AKAP13: variants seen among roughly 807,000 people sequenced by gnomAD.
AKAP13 encodes the protein A-kinase anchor protein 13.
AKAP13 carries 80 observed loss-of-function variants against 264.5 expected under a neutral mutation model. The ratio of observed to expected loss-of-function variants is 0.30; its 90% confidence interval spans 0.25 to 0.36. The LOEUF is 0.36. Among genes scored for constraint, AKAP13 ranks in the 10% least tolerant of loss-of-function variants. The pLI is 1.00. For missense variants in AKAP13, 3,712 were observed against 3,435.2 expected (o/e 1.08, Z -2.01); for synonymous variants, 1,380 against 1,250.2 (o/e 1.10, Z -2.19).
intron 10 of AKAP13, among the ~76,000 whole-genome samples, chr15:85,650,442 A>C (rs1441473527): frequency 6.6e-6 from 1 of 151,936 alleles, no homozygotes; most frequent in East Asian, 1.9e-4. Context: ...AAAATAAATA[A>C]AAGTAAATGT....
At chr15:85,506,677 C>T (rs1045682652) in intron 2 of AKAP13, among the ~76,000 whole-genome samples, 1 of 152,150 alleles carries the variant, frequency 6.6e-6, no homozygotes, top group Non-Finnish European at 1.5e-5. Context: ...GGGATGACCT[C>T]ACTGCTAAGG....
At chr15:85,491,451 A>G (rs2075720148) in intron 2 of AKAP13, among the ~76,000 whole-genome samples, 1 of 149,552 alleles carries the variant, frequency 6.7e-6, no homozygotes, top group Admixed American at 6.7e-5. Flanking sequence ...ATTTAGATAT[A>G]AATGGATGTT....
intron 29 of AKAP13, among the ~76,000 whole-genome samples, chr15:85,730,129 C>A (rs2087897870): frequency 6.6e-6 from 1 of 152,134 alleles, no homozygotes; most frequent in Non-Finnish European, 1.5e-5. Context: ...AAGAAGTAAT[C>A]ATCAATGCTG....
At chr15:85,561,815 T>G (rs1373785307) in intron 5 of AKAP13, among the ~76,000 whole-genome samples, 1 of 152,182 alleles carries the variant, frequency 6.6e-6, no homozygotes, top group African/African-American at 2.4e-5. Flanking sequence ...AAAATGACCA[T>G]AGACGCCATG....
intron 5 of AKAP13, among the ~76,000 whole-genome samples, chr15:85,565,371 T>G (rs566494062): frequency 6.6e-6 from 1 of 152,364 alleles, no homozygotes; most frequent in South Asian, 2.1e-4. Context: ...GAGGCTATGG[T>G]GCCTCTTAAT....
At chr15:85,682,029 G>A in intron 14 of AKAP13, 129 bp from the exon 15 acceptor site, 7 of 776,582 alleles carry the variant, frequency 9.0e-6, no homozygotes, top group Non-Finnish European at 1.5e-5. Flanking sequence ...TTTAGAAGGA[G>A]GAGGTACCAT....
At chr15:85,732,425 C>CAT (rs1481347327) in intron 30 of AKAP13, among the ~76,000 whole-genome samples, 7 of 148,646 alleles carry the variant, frequency 4.7e-5, no homozygotes, top group Non-Finnish European at 8.9e-5. Flanking sequence ...TGGGGAAAAA[C>CAT]ATATATATAA....
chr15:85,666,363 T>G (rs989992669), intron 13 of AKAP13, among the ~76,000 whole-genome samples: 1 of 152,116 alleles, frequency 6.6e-6, no homozygotes, highest in Admixed American at 6.6e-5. Flanking sequence ...ACCCACTTTT[T>G]GATGGAGTTT....
chr15:85,639,509 T>G, intron 9 of AKAP13, 60 bp downstream of exon 9: 1 of 1,235,588 alleles, frequency 8.1e-7, no homozygotes, highest in South Asian at 1.2e-5. Context: ...CAGATCGTTT[T>G]ATTTGGAGAT....
At chr15:85,635,619 A>G (rs1194262347) in intron 8 of AKAP13, among the ~76,000 whole-genome samples, 3 of 152,078 alleles carry the variant, frequency 2.0e-5, no homozygotes, top group Non-Finnish European at 4.4e-5. Context: ...TATTTAAGAA[A>G]TCTTTGTGTA....
chr15:85,734,859 G>A, intron 30 of AKAP13, 133 bp from the exon 31 acceptor site: 1 of 1,230,560 alleles, frequency 8.1e-7, no homozygotes, highest in South Asian at 1.5e-5. Flanking sequence ...ACCCTTCTCT[G>A]AGCAAAGGAA....
chr15:85,663,532 T>G (rs1043945662), intron 12 of AKAP13, among the ~76,000 whole-genome samples: 1 of 152,136 alleles, frequency 6.6e-6, no homozygotes, highest in African/African-American at 2.4e-5. Flanking sequence ...GACTGGTAGG[T>G]ATGAACTTAA....
chr15:85,701,228 C>T (rs1456692661), intron 17 of AKAP13: 1 of 151,918 alleles, frequency 6.6e-6, no homozygotes, highest in Non-Finnish European at 1.5e-5. Context: ...TTTCTGGAGG[C>T]ACGTTATTTC....
intron 1 of AKAP13, among the ~76,000 whole-genome samples, chr15:85,459,524 G>A (rs1283612795): frequency 7.0e-6 from 1 of 142,208 alleles, no homozygotes; most frequent in Non-Finnish European, 1.5e-5. Flanking sequence ...TTTTGAGATG[G>A]AGTCTCGCTC....
chr15:85,548,236 T>C (rs1174190946), intron 5 of AKAP13, among the ~76,000 whole-genome samples: 1 of 152,198 alleles, frequency 6.6e-6, no homozygotes, highest in Non-Finnish European at 1.5e-5. Context: ...CTCTGCCATT[T>C]GCAAACTTTC....
At chr15:85,690,121 T>C (rs2151630633) in intron 16 of AKAP13, 1 of 152,360 alleles carries the variant, frequency 6.6e-6, no homozygotes, top group East Asian at 1.9e-4. Flanking sequence ...GCCTGACTTC[T>C]TTAAAGCACT....
At position 85,562,697 on chromosome 15, in the gene AKAP13, T is replaced by TTC. The variant is rs1567126776; in HGVS notation, c.663-12433_663-12432insCT. ...CTTTCTTTTCTTTTCTTTTCTTTTT[T>TTC]TTTTTTTTTTTTTTTGAGACTGAAT... On this transcript the variant is annotated intron_variant, in intron 5 of 36. Coordinates refer to ENST00000394518, the MANE Select transcript of AKAP13 (RefSeq NM_007200.5). 4.2e-5 allele frequency among the ~76,000 whole-genome samples: 5 copies of TTC among 118,002 alleles called. No homozygotes were observed. The East Asian group carries it at 7.1e-4, about 17-fold the overall frequency. The allele number at this position is 118,002 out of a possible 152,430, so 77.4% of individuals were successfully genotyped here. A position where few individuals can be genotyped will look rare whatever the true frequency, so the allele number is the denominator to read the frequency against.
intron 30 of AKAP13, among the ~76,000 whole-genome samples, chr15:85,731,471 T>TG: frequency 6.6e-6 from 1 of 152,202 alleles, no homozygotes; most frequent in Admixed American, 6.5e-5. Flanking sequence ...CTGAGCTTTT[T>TG]GACTTAGAGA....
chr15:85,702,499 T>C (rs2151671075), intron 17 of AKAP13: 1 of 151,982 alleles, frequency 6.6e-6, no homozygotes, highest in Non-Finnish European at 1.5e-5. Context: ...TTCCCAGGAG[T>C]CGTAGGAAAT....
Sources: gnomAD v4.1 joint callset for allele counts (sites outside exome capture counted in the v4.1 genomes callset) on GRCh38, gnomAD v4.1.1 for gene constraint, MANE v1.5 for transcripts, NCBI Gene and HGNC (gene_info 2026-07-23, HGNC 2026-07-21) for gene names.